The following HERC6 variants were observed in gnomAD, a reference collection of about 807,000 sequenced individuals.
HERC6 encodes HECT and RLD domain containing E3 ubiquitin protein ligase family member 6.
HERC6 carries 101 observed loss-of-function variants against 114.5 expected under a neutral mutation model. That is an observed-to-expected ratio of 0.88 (90% CI 0.75 to 1.04). The LOEUF is 1.04. Among genes scored for constraint, HERC6 ranks in the 50% least tolerant of loss-of-function variants. HERC6 has a pLI of 0.00. For missense variants in HERC6, 1,133 were observed against 1,230.9 expected (o/e 0.92, Z 1.19); for synonymous variants, 408 against 436.2 (o/e 0.94, Z 0.81).
At chr4:88,409,296 A>G (rs1433525358) in intron 11 of HERC6, among the ~76,000 whole-genome samples, 2 of 152,238 alleles carry the variant, frequency 1.3e-5, no homozygotes. Context: ...TCCCAAAGTT[A>G]GCTTGGCTCA....
intron 13 of HERC6, among the ~76,000 whole-genome samples, chr4:88,420,388 C>T (rs530656124): frequency 2.6e-5 from 4 of 152,140 alleles, no homozygotes; most frequent in East Asian, 3.9e-4. Context: ...TTCCATTTGT[C>T]GGGCTTTTGA....
intron 11 of HERC6, among the ~76,000 whole-genome samples, chr4:88,410,210 C>T (rs916416678): frequency 5.3e-5 from 8 of 152,116 alleles, no homozygotes; most frequent in African/African-American, 9.7e-5. Context: ...TCAGGAGACA[C>T]GACACATCAA....
At chr4:88,379,151 A>G (rs1430065834) in intron 1 of HERC6, 31 bp downstream of exon 1, 25 of 1,508,732 alleles carry the variant, frequency 1.7e-5, no homozygotes, top group Non-Finnish European at 2.1e-5. Context: ...GCAGGGTGTG[A>G]GGACCCCAGT....
intron 17 of HERC6, among the ~76,000 whole-genome samples, chr4:88,432,344 C>G (rs1040736361): frequency 3.3e-5 from 5 of 151,288 alleles, no homozygotes; most frequent in African/African-American, 1.2e-4. Context: ...GGTCCCAAGC[C>G]TTTCACATAG....
intron 16 of HERC6, among the ~76,000 whole-genome samples, chr4:88,430,597 T>C (rs1265142781): frequency 6.6e-6 from 1 of 150,838 alleles, no homozygotes; most frequent in Non-Finnish European, 1.5e-5. Context: ...AATAAATAAA[T>C]AAATAAATAA....
chr4:88,435,947 G>A, intron 18 of HERC6, 56 bp downstream of exon 18: 1 of 1,323,978 alleles, frequency 7.6e-7, no homozygotes, highest in East Asian at 2.5e-5. Context: ...AGTTGTTTAG[G>A]CATAAATAAT....
Position 88,417,458 on chromosome 4 carries a change from T to G in HERC6, c.1592T>G (p.Leu531Arg). The G allele has an allele frequency of 6.2e-7, 1 of 1,610,638 alleles. No homozygotes were observed. The highest frequency in any genetic ancestry group is 1.1e-5 in the South Asian group (1 of 90,322). The change falls in exon 13 of 23, where the codon CTG becomes CGG. Residue 531 changes from leucine (L) to arginine (R), a missense_variant. By Grantham distance (102) the Leu-to-Arg change is moderately radical. Around this residue, in one of 3 missense-constraint regions of HERC6, gnomAD observed 735 missense variants for 754.0 expected, o/e 0.97. Coordinates refer to ENST00000264346, the MANE Select transcript of HERC6 (RefSeq NM_017912.4). ...KCWAFLQESS[L>R]NPLIQMLKAA... ...TGGGCATTTTTGCAAGAATCTTCTC[T>G]GAATCCGCTGATCCAGATGCTTAAA...
chr4:88,404,997 G>T lies in HERC6; in HGVS notation c.1214G>T (p.Ser405Ile), dbSNP rs111745516. The T allele has an allele frequency of 1.9e-6, 3 of 1,612,762 alleles. No homozygotes were observed. The highest frequency in any genetic ancestry group is 1.1e-5 in the South Asian group (1 of 90,938). ...RRSTEHEMAK[S>I]EIRMIFSSPA... is the part of the protein sequence containing the mutation. ...AGTACTGAACATGAAATGGCTAAAA[G>T]GTGGCTCTGTCTGATAAATTATAAG... Residue 405 changes from serine (S) to isoleucine (I), a missense_variant and splice_region_variant, in exon 9 of 23, where the codon AGT becomes ATT. Around this residue, in one of 3 missense-constraint regions of HERC6, gnomAD observed 735 missense variants for 754.0 expected, o/e 0.97. Coordinates refer to ENST00000264346, the MANE Select transcript of HERC6 (RefSeq NM_017912.4).
intron 18 of HERC6, 148 bp from the exon 19 acceptor site, chr4:88,436,757 A>G (rs1294208558): frequency 1.9e-6 from 1 of 520,458 alleles, no homozygotes; most frequent in Admixed American, 3.7e-5. Flanking sequence ...GGCAAACTCT[A>G]GGGAAAGGGA....
At chr4:88,383,763 CAAAAAAAAAAAAAAAAA>C (rs753643806) in intron 2 of HERC6, among the ~76,000 whole-genome samples, 16 of 28,750 alleles carry the variant, frequency 5.6e-4, no homozygotes, top group African/African-American at 2.2e-3. Context: ...GACTCAGTCT[CAAAAAAAAAAAAAAAAA>C]AAAAAAAAAA....
intron 12 of HERC6, among the ~76,000 whole-genome samples, chr4:88,414,594 G>C (rs1736322536): frequency 6.6e-6 from 1 of 152,120 alleles, no homozygotes; most frequent in Non-Finnish European, 1.5e-5. Context: ...CATTTTTATG[G>C]TTATTTCTTG....
At chr4:88,394,276 C>T (rs1735088648) in intron 5 of HERC6, among the ~76,000 whole-genome samples, 1 of 151,784 alleles carries the variant, frequency 6.6e-6, no homozygotes. Flanking sequence ...AGTTCAAGAC[C>T]AGCCTGGCCA....
chr4:88,419,199 T>C (rs1429608734), intron 13 of HERC6, among the ~76,000 whole-genome samples: 1 of 152,212 alleles, frequency 6.6e-6, no homozygotes, highest in Non-Finnish European at 1.5e-5. Flanking sequence ...AATCCCACTG[T>C]AGAAATATCA....
intron 6 of HERC6, among the ~76,000 whole-genome samples, 191 bp from the exon 7 acceptor site, chr4:88,396,660 A>G (rs1735246137): frequency 1.3e-5 from 2 of 152,234 alleles, no homozygotes; most frequent in Non-Finnish European, 2.9e-5. Flanking sequence ...GTAGTAAGTT[A>G]ATATTGACTG....
At chr4:88,395,050 T>G (rs1010650821) in intron 5 of HERC6, among the ~76,000 whole-genome samples, 14 of 152,330 alleles carry the variant, frequency 9.2e-5, no homozygotes, top group African/African-American at 3.1e-4. Flanking sequence ...TCCAAAGGGA[T>G]GGATTCTTTC....
intron 2 of HERC6, among the ~76,000 whole-genome samples, chr4:88,384,967 G>A (rs962930969): frequency 2.2e-4 from 33 of 151,938 alleles, no homozygotes; most frequent in Non-Finnish European, 4.6e-4. Flanking sequence ...AGGTTATAGT[G>A]AGCCAAGATC....
chr4:88,426,220 G>A (rs1227305356), intron 15 of HERC6, among the ~76,000 whole-genome samples: 2 of 152,150 alleles, frequency 1.3e-5, no homozygotes, highest in Non-Finnish European at 2.9e-5. Flanking sequence ...CCAGGCTGGA[G>A]TACAATGGTG....
rs1477630019 is a variant in HERC6 at position 88,380,289 on chromosome 4, TAATATATA to T, written c.199+1178_199+1185del. 2.4e-3 allele frequency among the ~76,000 whole-genome samples: 165 copies of T among 69,586 alleles called. 14 individuals are homozygous for T. Among genetic ancestry groups the T allele is most frequent in the Non-Finnish European group, 3.2e-3 (130 of 40,564 alleles). The allele number at this position is 69,586 out of a possible 152,430, so 45.7% of individuals were successfully genotyped here. On this transcript the variant is annotated intron_variant, in intron 1 of 22. Coordinates refer to ENST00000264346, the MANE Select transcript of HERC6 (RefSeq NM_017912.4). The stretch of plus-strand genomic sequence containing the variant: ...TAAATATATATAATATATAAATATA[TAATATATA>T]AATATATATATAATATATAAATATA...
chr4:88,393,386 C>G, intron 4 of HERC6, 102 bp from the exon 5 acceptor site: 1 of 501,012 alleles, frequency 2.0e-6, no homozygotes. Flanking sequence ...TAAAATATAT[C>G]TCTTACACAA....
Sources: gnomAD v4.1 joint callset for allele counts (sites outside exome capture counted in the v4.1 genomes callset) on GRCh38, gnomAD v4.1.1 for gene constraint, gnomAD v4.1.1 regional missense constraint, MANE v1.5 for transcripts, NCBI Gene and HGNC (gene_info 2026-07-23, HGNC 2026-07-21) for gene names.